SHISA9: variants seen among roughly 807,000 people sequenced by gnomAD.
SHISA9 encodes protein shisa-9.
Under a neutral mutation model 38.0 loss-of-function variants are expected in SHISA9, and 13 were observed. The ratio of observed to expected loss-of-function variants is 0.34; its 90% CI spans 0.22 to 0.54. SHISA9 has a LOEUF of 0.54. SHISA9 is among the 20% of genes least tolerant of loss of function. The pLI, the probability that SHISA9 is intolerant of heterozygous loss-of-function variation, is 0.91. For synonymous variants in SHISA9, 275 were observed against 242.0 expected, an observed-to-expected ratio of 1.14 and a Z score of -1.27; for missense variants, 538 against 575.8, an observed-to-expected ratio of 0.93 and a Z score of 0.67.
At chr16:12,994,268 C>A (rs1243534526) in intron 2 of SHISA9, among the ~76,000 whole-genome samples, 1 of 152,116 alleles carries the variant, frequency 6.6e-6, no homozygotes, top group Admixed American at 6.5e-5. Flanking sequence ...GAGTGTGAGC[C>A]ACGGAAGCAG....
intron 2 of SHISA9, among the ~76,000 whole-genome samples, chr16:13,118,222 GATGACAC>G (rs1334277266): frequency 1.3e-5 from 2 of 151,092 alleles, no homozygotes; most frequent in African/African-American, 2.4e-5. Context: ...AGAGCTGGGA[GATGACAC>G]ATTCACCAGT....
At chr16:13,257,978 C>T in the SHISA9 span, among the ~76,000 whole-genome samples, 1 of 152,182 alleles carries the variant, frequency 6.6e-6, no homozygotes, top group African/African-American at 2.4e-5. Flanking sequence ...TCTCAGTATG[C>T]CCTGTGTGGA....
chr16:13,324,039 G>A, the SHISA9 span, among the ~76,000 whole-genome samples: 1 of 152,052 alleles, frequency 6.6e-6, no homozygotes, highest in South Asian at 2.1e-4. Flanking sequence ...AAGGAGCCTG[G>A]CACCCCTTCC....
chr16:13,533,743 A>G, the SHISA9 span, among the ~76,000 whole-genome samples: 4 of 148,972 alleles, frequency 2.7e-5, no homozygotes, highest in African/African-American at 9.9e-5. Context: ...TTTGTGGATT[A>G]TTTCTATAAG....
the SHISA9 span, among the ~76,000 whole-genome samples, chr16:13,497,405 G>A: frequency 2.8e-4 from 42 of 152,250 alleles, no homozygotes; most frequent in East Asian, 7.9e-3. Flanking sequence ...AAGGAGAGGG[G>A]CCGGATGTGG....
At chr16:13,515,709 T>C in the SHISA9 span, among the ~76,000 whole-genome samples, 1 of 148,784 alleles carries the variant, frequency 6.7e-6, no homozygotes, top group Non-Finnish European at 1.5e-5. Flanking sequence ...GTACTTAATA[T>C]AGAAACACAC....
intron 2 of SHISA9, among the ~76,000 whole-genome samples, chr16:13,016,942 C>T (rs553099480): frequency 1.2e-4 from 18 of 151,964 alleles, no homozygotes; most frequent in African/African-American, 4.3e-4. Flanking sequence ...AGAGTAGGGG[C>T]CTGTGAATGT....
the SHISA9 span, among the ~76,000 whole-genome samples, chr16:13,442,445 T>C: frequency 6.6e-6 from 1 of 152,096 alleles, no homozygotes; most frequent in Non-Finnish European, 1.5e-5. Flanking sequence ...GTAGCTGGGA[T>C]TACAGGTATG....
At chr16:13,551,038 C>T in the SHISA9 span, among the ~76,000 whole-genome samples, 6 of 151,644 alleles carry the variant, frequency 4.0e-5, no homozygotes, top group African/African-American at 9.7e-5. Context: ...CAAGGAGAAT[C>T]GCTTGAACCT....
intron 2 of SHISA9, among the ~76,000 whole-genome samples, chr16:13,138,257 C>G (rs114293755): frequency 0.022 from 3,291 of 152,240 alleles, 113 homozygotes; most frequent in African/African-American, 0.073. Flanking sequence ...GAATCAGAAG[C>G]TGCATTTTAA....
chr16:13,381,694 A>C, the SHISA9 span, among the ~76,000 whole-genome samples: 1 of 152,332 alleles, frequency 6.6e-6, no homozygotes, highest in East Asian at 1.9e-4. Context: ...CTAAATTAAG[A>C]AATATATGCA....
the SHISA9 span, among the ~76,000 whole-genome samples, chr16:13,355,322 TG>T: frequency 5.0e-4 from 75 of 151,460 alleles, no homozygotes; most frequent in Non-Finnish European, 9.6e-4. Context: ...TGGCGTTGAG[TG>T]GGGTAAGGGT....
At chr16:13,546,427 G>T in the SHISA9 span, among the ~76,000 whole-genome samples, 891 of 152,284 alleles carry the variant, frequency 5.9e-3, 9 homozygotes, top group African/African-American at 0.02. Flanking sequence ...CCCTCAGCTT[G>T]TGTTTGTCTG....
the SHISA9 span, among the ~76,000 whole-genome samples, chr16:13,268,473 C>T: frequency 2.0e-5 from 3 of 152,160 alleles, no homozygotes; most frequent in Non-Finnish European, 2.9e-5. Context: ...CGTGCCATTG[C>T]ACTCCATCCT....
chr16:13,079,964 A>T (rs965625339), intron 2 of SHISA9, among the ~76,000 whole-genome samples: 1 of 152,220 alleles, frequency 6.6e-6, no homozygotes, highest in Non-Finnish European at 1.5e-5. Context: ...AACCTTTCCT[A>T]GCATGAAGGA....
chr16:12,905,901 G>GT (rs1174626616), intron 1 of SHISA9, among the ~76,000 whole-genome samples: 2 of 152,156 alleles, frequency 1.3e-5, no homozygotes, highest in African/African-American at 4.8e-5. Context: ...GTGCCTGACC[G>GT]TATTTGTATT....
At chr16:13,092,845 C>T (rs929121588) in intron 2 of SHISA9, among the ~76,000 whole-genome samples, 2 of 152,166 alleles carry the variant, frequency 1.3e-5, no homozygotes, top group South Asian at 4.1e-4. Context: ...CTGACCAGTC[C>T]CAGTGAGACG....
intron 2 of SHISA9, among the ~76,000 whole-genome samples, chr16:12,927,379 C>G (rs747054445): frequency 1.3e-5 from 2 of 152,126 alleles, no homozygotes; most frequent in Non-Finnish European, 2.9e-5. Flanking sequence ...GACTGCCAAT[C>G]TCAAAGCATA....
chr16:13,308,250 C>T, the SHISA9 span, among the ~76,000 whole-genome samples: 2 of 149,506 alleles, frequency 1.3e-5, no homozygotes, highest in African/African-American at 4.9e-5. Flanking sequence ...AATCTTTGTT[C>T]CAGGCTCATC....
Sources: gnomAD v4.1 joint callset for allele counts (sites outside exome capture counted in the v4.1 genomes callset) on GRCh38, gnomAD v4.1.1 for gene constraint, MANE v1.5 for transcripts, NCBI Gene and HGNC (gene_info 2026-07-23, HGNC 2026-07-21) for gene names.